The following MARCHF1 variants were observed in gnomAD, a reference collection of about 807,000 sequenced individuals.
The protein encoded by MARCHF1 is E3 ubiquitin-protein ligase MARCHF1.
A neutral mutation model predicts 54.2 loss-of-function variants in MARCHF1; 40 were observed. The ratio of observed to expected loss-of-function variants is 0.74; its 90% CI spans 0.57 to 0.96. The LOEUF (loss-of-function observed/expected upper bound fraction) is 0.96. Ranked by LOEUF, MARCHF1 falls within the 40% of genes least tolerant of loss-of-function variation. The pLI, the probability that MARCHF1 is intolerant of heterozygous loss-of-function variation, is 0.00. For missense variants in MARCHF1, 586 were observed against 656.5 expected (o/e 0.89, Z 1.17); for synonymous variants, 236 against 236.3 (o/e 1.00, Z 0.01).
At chr4:164,208,265 G>A (rs980750088) in intron 1 of MARCHF1, among the ~76,000 whole-genome samples, 4 of 152,198 alleles carry the variant, frequency 2.6e-5, no homozygotes, top group Admixed American at 6.5e-5. Flanking sequence ...TATTTGAAGG[G>A]TTTGATGGAA....
intron 3 of MARCHF1, among the ~76,000 whole-genome samples, chr4:163,945,273 C>A (rs1461249336): frequency 1.3e-5 from 2 of 151,980 alleles, no homozygotes; most frequent in Non-Finnish European, 2.9e-5. Flanking sequence ...TAAAACCTTA[C>A]AAATTATTTA....
intron 8 of MARCHF1, among the ~76,000 whole-genome samples, chr4:163,568,235 T>G (rs1037543858): frequency 6.6e-6 from 1 of 152,162 alleles, no homozygotes; most frequent in African/African-American, 2.4e-5. Context: ...TCTAGAGCAG[T>G]GCTTTTGAAA....
chr4:163,930,871 A>G (rs903641785), intron 3 of MARCHF1, among the ~76,000 whole-genome samples: 2 of 152,156 alleles, frequency 1.3e-5, no homozygotes, highest in East Asian at 1.9e-4. Context: ...TTTGCATGAA[A>G]TAGGGATGTA....
chr4:164,076,903 A>C (rs916956259), intron 2 of MARCHF1, among the ~76,000 whole-genome samples: 1 of 152,214 alleles, frequency 6.6e-6, no homozygotes, highest in Non-Finnish European at 1.5e-5. Context: ...ATGGAAAAAC[A>C]TTCCATGCTC....
chr4:164,101,173 G>A (rs1287949700), intron 2 of MARCHF1, among the ~76,000 whole-genome samples: 1 of 152,208 alleles, frequency 6.6e-6, no homozygotes, highest in African/African-American at 2.4e-5. Context: ...CAAGGCAGCA[G>A]CGAGGCCGGG....
intron 3 of MARCHF1, among the ~76,000 whole-genome samples, chr4:163,879,427 G>GA (rs1230572096): frequency 3.9e-5 from 6 of 152,086 alleles, no homozygotes; most frequent in East Asian, 1.9e-4. Flanking sequence ...TCCTTCATGG[G>GA]ATAAAAAATA....
At chr4:164,330,483 C>T (rs1735407754) in intron 1 of MARCHF1, among the ~76,000 whole-genome samples, 1 of 152,142 alleles carries the variant, frequency 6.6e-6, no homozygotes, top group Non-Finnish European at 1.5e-5. Context: ...CCCGTAGCCA[C>T]AAAATGAAAG....
intron 8 of MARCHF1, chr4:163,583,880 C>T (rs1271314483): frequency 6.6e-6 from 1 of 151,182 alleles, no homozygotes; most frequent in Admixed American, 6.6e-5. Flanking sequence ...TGGTCTCAAA[C>T]TCCTGGGCTC....
At chr4:164,227,685 G>A (rs189610686) in intron 1 of MARCHF1, among the ~76,000 whole-genome samples, 8 of 152,094 alleles carry the variant, frequency 5.3e-5, no homozygotes, top group East Asian at 3.9e-4. Context: ...CATATTTCGC[G>A]CCATGTGCTT....
intron 5 of MARCHF1, among the ~76,000 whole-genome samples, chr4:163,638,637 C>G (rs1742439077): frequency 6.6e-6 from 1 of 152,032 alleles, no homozygotes; most frequent in Non-Finnish European, 1.5e-5. Flanking sequence ...GAAAATAATT[C>G]CCCTTCTGAG....
At chr4:164,333,560 C>T (rs530362282) in intron 1 of MARCHF1, among the ~76,000 whole-genome samples, 2 of 152,314 alleles carry the variant, frequency 1.3e-5, no homozygotes, top group Non-Finnish European at 1.5e-5. Context: ...AGATGGTGAA[C>T]TTAATCAATG....
In MARCHF1 at chr4:163,966,222, T is replaced by C. The variant is rs562099849; in HGVS notation, c.-39+22279A>G. On this transcript the variant is annotated intron_variant, in intron 3 of 9. Transcript: ENST00000514618. ...GCTTCCAATGTAATTTAATAATCTGTTGTCTTTATAAACATAGTTATTTTG... is the reference window on the plus strand; with the variant it reads ...GCTTCCAATGTAATTTAATAATCTGCTGTCTTTATAAACATAGTTATTTTG... Among the ~76,000 whole-genome samples, 6 of 152,184 alleles carry C rather than the reference T, an allele frequency of 3.9e-5. No individual in the cohort carries two copies. In the East Asian group the frequency reaches 1.2e-3, roughly 29 times the overall value.
intron 1 of MARCHF1, among the ~76,000 whole-genome samples, chr4:164,122,567 A>G (rs147205644): frequency 2.0e-5 from 3 of 152,112 alleles, no homozygotes; most frequent in East Asian, 1.9e-4. Context: ...TATGAGCCCT[A>G]TATAAATCAG....
In MARCHF1 at chr4:164,165,905, G is replaced by A. The variant is rs377112942; in HGVS notation, c.-322-54243C>T. ...GTCACCAGAGTAATTGTGGACAGTG[G>A]AGAGCAAAATGAAAGAGGAGTGAAA... is the stretch of plus-strand genomic sequence containing the variant. On this transcript the variant is annotated intron_variant, in intron 1 of 9. Transcript: ENST00000514618. Among the ~76,000 whole-genome samples, 21 of 151,958 alleles carry A rather than the reference G, an allele frequency of 1.4e-4. 1 individual carries two copies. Among genetic ancestry groups the A allele is most frequent in the East Asian group, 1.4e-3 (7 of 5,178 alleles).
intron 1 of MARCHF1, among the ~76,000 whole-genome samples, chr4:164,214,794 CCCCA>C (rs1277783863): frequency 6.6e-6 from 1 of 152,150 alleles, no homozygotes; most frequent in African/African-American, 2.4e-5. Flanking sequence ...TTACCACAAT[CCCCA>C]CCATTTCCCT....
intron 2 of MARCHF1, among the ~76,000 whole-genome samples, chr4:164,012,927 T>G (rs184107340): frequency 1.4e-4 from 21 of 152,242 alleles, no homozygotes; most frequent in Non-Finnish European, 2.5e-4. Flanking sequence ...AGGGTGCATA[T>G]AAACAAGCCC....
At position 163,782,116 on chromosome 4, in the gene MARCHF1, G is replaced by GA. The variant is rs11311345; in HGVS notation, c.111+71904dup. Among the ~76,000 whole-genome samples the GA allele has an allele frequency of 1.9e-3, 286 of 149,200 alleles. 2 individuals carry two copies. Among genetic ancestry groups the GA allele is most frequent in the African/African-American group, 6.7e-3 (272 of 40,472 alleles). On this transcript the variant is annotated intron_variant, in intron 4 of 9. Coordinates refer to ENST00000514618, the MANE Select transcript of MARCHF1 (RefSeq NM_001394959.1). ...CTTGAGGGATATATTTAACTGCCCA[G>GA]AAAAAAAAAAAATATTAAATGGCTT...
intron 2 of MARCHF1, among the ~76,000 whole-genome samples, chr4:164,089,791 T>C (rs1311957769): frequency 1.3e-5 from 2 of 152,044 alleles, no homozygotes; most frequent in Admixed American, 6.6e-5. Flanking sequence ...TAAGTAGTTA[T>C]GACTCTTTAA....
At chr4:164,079,392 AAC>A (rs1360715616) in intron 2 of MARCHF1, among the ~76,000 whole-genome samples, 1 of 152,218 alleles carries the variant, frequency 6.6e-6, no homozygotes, top group Non-Finnish European at 1.5e-5. Flanking sequence ...AAGTTTCTTT[AAC>A]AAAAAGTAAC....
Sources: gnomAD v4.1 joint callset for allele counts (sites outside exome capture counted in the v4.1 genomes callset) on GRCh38, gnomAD v4.1.1 for gene constraint, MANE v1.5 for transcripts, NCBI Gene and HGNC (gene_info 2026-07-23, HGNC 2026-07-21) for gene names.